The following UGT1A8 variants were observed in gnomAD, a reference collection of about 807,000 sequenced individuals.
The protein encoded by UGT1A8 is UDP glucuronosyltransferase family 1 member A8, also known as UDP-glucuronosyltransferase 1A8.
Under a neutral mutation model 45.3 loss-of-function variants are expected in UGT1A8, and 39 were observed. That is an observed-to-expected ratio of 0.86 (90% CI 0.67 to 1.12). UGT1A8 has a LOEUF of 1.12. UGT1A8 is among the 50% of genes most tolerant of loss of function. The pLI, the probability that UGT1A8 is intolerant of heterozygous loss-of-function variation, is 0.00. For missense variants in UGT1A8, 719 were observed against 664.9 expected (o/e 1.08, Z -0.90); for synonymous variants, 275 against 249.2 (o/e 1.10, Z -0.97).
At chr2:233,718,557 G>A (rs1043661676) in intron 1 of UGT1A8, among the ~76,000 whole-genome samples, 1 of 152,220 alleles carries the variant, frequency 6.6e-6, no homozygotes, top group Non-Finnish European at 1.5e-5. Context: ...AGAAAGAAGA[G>A]CTTGAACTTG....
At position 233,772,561 on chromosome 2, in the gene UGT1A8, A is replaced by C. The variant is rs1287050195; in HGVS notation, c.*2A>C. On this transcript the variant is annotated 3_prime_UTR_variant, in exon 5 of 5. Transcript: ENST00000373450. ...GCCCACAAATCCAAGACCCATTGAG[A>C]AGTGGGTGGGAAATAAGGTAAAATT... The C allele has an allele frequency of 1.2e-6, 2 of 1,613,586 alleles. No individual in the cohort carries two copies. Among genetic ancestry groups the C allele is most frequent in the Non-Finnish European group, 1.7e-6 (2 of 1,179,766 alleles).
intron 1 of UGT1A8, among the ~76,000 whole-genome samples, chr2:233,649,184 G>A (rs1218690125): frequency 2.0e-5 from 3 of 152,194 alleles, no homozygotes; most frequent in Non-Finnish European, 1.5e-5. Flanking sequence ...TTGTTGGTTA[G>A]CAACTTTTAT....
At chr2:233,695,921 C>A (rs2075314397) in intron 1 of UGT1A8, among the ~76,000 whole-genome samples, 1 of 152,044 alleles carries the variant, frequency 6.6e-6, no homozygotes, top group South Asian at 2.1e-4. Flanking sequence ...CTCCACACAC[C>A]AAGCAAGCAG....
rs1417813271 is a variant in UGT1A8 at position 233,725,080 on chromosome 2, G to C, written c.856-41954G>C. Reference sequence around the variant, plus strand: ...CGCGCGCCTGCAATCGCAGGCACTCGGCAGGCTGAGGCAGGAGAATCAGGC... The same window carrying C: ...CGCGCGCCTGCAATCGCAGGCACTCCGCAGGCTGAGGCAGGAGAATCAGGC... On this transcript the variant is annotated intron_variant, in intron 1 of 4. Coordinates refer to ENST00000373450, the MANE Select transcript of UGT1A8 (RefSeq NM_019076.5). 2.8e-5 allele frequency among the ~76,000 whole-genome samples: 4 copies of C among 144,008 alleles called. No homozygotes were observed. In the Admixed American group the frequency reaches 2.8e-4, roughly 10 times the overall value. 94.5% of individuals were successfully genotyped at this position (144,008 alleles called of 152,430 possible).
intron 1 of UGT1A8, chr2:233,748,207 C>G (rs1467291155): frequency 6.6e-7 from 1 of 1,505,266 alleles, no homozygotes; most frequent in African/African-American, 1.4e-5. Context: ...TCGTAATAGC[C>G]TTCAGTGAGA....
chr2:233,721,049 T>A (rs1041518517), intron 1 of UGT1A8, among the ~76,000 whole-genome samples: 1 of 152,122 alleles, frequency 6.6e-6, no homozygotes, highest in African/African-American at 2.4e-5. Flanking sequence ...GAGCCCTTTT[T>A]TGTCATATTC....
In UGT1A8 at chr2:233,768,427, T is replaced by A; in HGVS notation, c.1283T>A (p.Ile428Asn). ...TTAGAAAATGCTCTAAAAGCAGTCA[T>A]CAATGACAAAAGGTAAGAAAGAAGA... is the stretch of plus-strand genomic sequence containing the variant. ...EDLENALKAV[I>N]NDKSYKENIM... Residue 428 changes from isoleucine (I) to asparagine (N), a missense_variant, in exon 4 of 5, where the codon ATC becomes AAC. Transcript: ENST00000373450. 1 of 1,614,006 alleles carries A rather than the reference T, an allele frequency of 6.2e-7. No individual in the cohort carries two copies. The highest frequency in any genetic ancestry group is 8.5e-7 in the Non-Finnish European group (1 of 1,179,966).
intron 1 of UGT1A8, among the ~76,000 whole-genome samples, chr2:233,700,573 T>C (rs978152887): frequency 1.5e-4 from 23 of 152,216 alleles, no homozygotes; most frequent in Non-Finnish European, 1.3e-4. Flanking sequence ...AACTTTATTA[T>C]GATGCAATTT....
At chr2:233,647,591 A>G (rs1159676851) in intron 1 of UGT1A8, among the ~76,000 whole-genome samples, 1 of 152,208 alleles carries the variant, frequency 6.6e-6, no homozygotes. Flanking sequence ...CATTTGTGTT[A>G]TTAATTTCTT....
intron 1 of UGT1A8, chr2:233,743,017 T>G (rs1054805): frequency 8.4e-6 from 2 of 239,502 alleles, no homozygotes; most frequent in African/African-American, 2.3e-5. Flanking sequence ...TTACAACGAT[T>G]GAAAGACAAA....
chr2:233,650,034 G>T (rs1292886640), intron 1 of UGT1A8, among the ~76,000 whole-genome samples: 1 of 152,076 alleles, frequency 6.6e-6, no homozygotes, highest in East Asian at 1.9e-4. Flanking sequence ...GCAATGGTGC[G>T]ATCTTGGCTC....
At position 233,698,386 on chromosome 2, in the gene UGT1A8, G is replaced by A. The variant is rs13393191; in HGVS notation, c.856-68648G>A. 5.5e-3 allele frequency among the ~76,000 whole-genome samples: 842 copies of A among 152,250 alleles called. 7 individuals are homozygous for A. Among genetic ancestry groups the A allele is most frequent in the African/African-American group, 0.019 (800 of 41,544 alleles). On this transcript the variant is annotated intron_variant, in intron 1 of 4. Coordinates refer to ENST00000373450, the MANE Select transcript of UGT1A8 (RefSeq NM_019076.5). ...ATGCCATGAAATTGTTCACTTTAGC[G>A]TGGTGAATTTTATGTGACTTCATCG...
chr2:233,704,587 GAAGA>G (rs1243475624), intron 1 of UGT1A8, among the ~76,000 whole-genome samples: 1 of 152,074 alleles, frequency 6.6e-6, no homozygotes, highest in Admixed American at 6.5e-5. Context: ...GAATCAGAGA[GAAGA>G]AAGAAGAGCA....
chr2:233,755,141 C>A lies in UGT1A8; in HGVS notation c.856-11893C>A. On this transcript the variant is annotated intron_variant, in intron 1 of 4. Coordinates refer to ENST00000373450, the MANE Select transcript of UGT1A8 (RefSeq NM_019076.5). ...CCTCAGCCACCTGCTTGAATCTTCT[C>A]ACCGCTTCCTCCCTGTCCTCGGGGT... 4 of 1,309,666 alleles carry A rather than the reference C, an allele frequency of 3.1e-6. No homozygotes were observed. In the South Asian group the frequency reaches 4.6e-5, roughly 15 times the overall value. 81.1% of individuals were successfully genotyped at this position (1,309,666 alleles called of 1,614,324 possible). A position where few individuals can be genotyped will look rare whatever the true frequency, so the allele number is the denominator to read the frequency against.
chr2:233,635,410 A>T (rs1415990340), intron 1 of UGT1A8, among the ~76,000 whole-genome samples: 5 of 150,572 alleles, frequency 3.3e-5, no homozygotes, highest in Non-Finnish European at 5.9e-5. Flanking sequence ...GGCATTTTTT[A>T]AAAAATTATA....
At chr2:233,691,284 A>C in intron 1 of UGT1A8, 1 of 985,524 alleles carries the variant, frequency 1.0e-6, no homozygotes, top group African/African-American at 1.7e-5. Context: ...GACTTTGATC[A>C]TTGTAAGCTG....
intron 1 of UGT1A8, among the ~76,000 whole-genome samples, chr2:233,702,648 A>G (rs1396425709): frequency 6.6e-6 from 1 of 152,146 alleles, no homozygotes; most frequent in East Asian, 1.9e-4. Context: ...ATCTATTCCT[A>G]GCTCGTTGAG....
chr2:233,656,917 A>G (rs1277939326), intron 1 of UGT1A8, among the ~76,000 whole-genome samples: 1 of 151,290 alleles, frequency 6.6e-6, no homozygotes, highest in African/African-American at 2.5e-5. Context: ...TCCCTTAGTT[A>G]AACATCTTTT....
intron 1 of UGT1A8, among the ~76,000 whole-genome samples, chr2:233,628,383 G>T (rs913608531): frequency 6.6e-6 from 1 of 151,914 alleles, no homozygotes. Context: ...TTAAAAATCT[G>T]CATATAAGTG....
Sources: allele counts gnomAD v4.1 joint callset (sites outside exome capture counted in the v4.1 genomes callset), GRCh38; gene constraint gnomAD v4.1.1; transcripts MANE v1.5; gene names NCBI Gene and HGNC (gene_info 2026-07-23, HGNC 2026-07-21).